NDE1: variants seen among roughly 807,000 people sequenced by gnomAD.
NDE1 encodes nuclear distribution protein nudE homolog 1.
NDE1 carries 28 observed loss-of-function variants against 43.4 expected under a neutral mutation model. The observed-to-expected ratio is 0.65, with a 90% confidence interval of 0.48 to 0.89. The LOEUF is 0.89. NDE1 is among the 40% of genes least tolerant of loss of function. The pLI, the probability that NDE1 is intolerant of heterozygous loss-of-function variation, is 0.00. For missense variants in NDE1, 441 were observed against 434.1 expected (o/e 1.02, Z -0.14); for synonymous variants, 184 against 172.0 (o/e 1.07, Z -0.55).
At chr16:15,705,524 A>G (rs571636132) in intron 8 of NDE1, among the ~76,000 whole-genome samples, 1 of 152,298 alleles carries the variant, frequency 6.6e-6, no homozygotes, top group Admixed American at 6.5e-5. Flanking sequence ...AACCGCAACA[A>G]ATAATTATGT....
At chr16:15,718,304 G>A (rs935891533) in intron 8 of NDE1, 1 of 1,608,214 alleles carries the variant, frequency 6.2e-7, no homozygotes. Context: ...TGGTGTCCAG[G>A]CGGCCCTCAC....
chr16:15,699,524 C>T, intron 8 of NDE1: 2 of 1,182,150 alleles, frequency 1.7e-6, no homozygotes, highest in Non-Finnish European at 2.1e-6. Context: ...TCTAGTGGGT[C>T]TGAGACTGGG....
chr16:15,656,183 C>T (rs1013626429), intron 1 of NDE1, among the ~76,000 whole-genome samples: 23 of 151,852 alleles, frequency 1.5e-4, no homozygotes, highest in African/African-American at 5.3e-4. Flanking sequence ...AAGTGAAGTG[C>T]AGCTGTTACT....
At chr16:15,671,019 G>A (rs1162441987) in intron 3 of NDE1, among the ~76,000 whole-genome samples, 1 of 152,162 alleles carries the variant, frequency 6.6e-6, no homozygotes, top group Non-Finnish European at 1.5e-5. Context: ...GGTGTTGTTT[G>A]ATCGCCTTCA....
intron 1 of NDE1, among the ~76,000 whole-genome samples, chr16:15,657,222 C>G (rs114326493): frequency 2.0e-5 from 3 of 151,868 alleles, no homozygotes; most frequent in Non-Finnish European, 2.9e-5. Context: ...CTCAGTCTTC[C>G]GAGTAGCTGG....
At chr16:15,700,695 C>T (rs1304564802) in intron 8 of NDE1, among the ~76,000 whole-genome samples, 1 of 151,956 alleles carries the variant, frequency 6.6e-6, no homozygotes, top group Non-Finnish European at 1.5e-5. Context: ...AAGTGATCCT[C>T]CCGCCTCAGC....
chr16:15,657,847 C>T (rs942858637), intron 1 of NDE1, among the ~76,000 whole-genome samples: 1 of 152,146 alleles, frequency 6.6e-6, no homozygotes, highest in East Asian at 1.9e-4. Context: ...AGTGATCTGT[C>T]TGCCTCGGCC....
chr16:15,656,971 C>G (rs1476704034), intron 1 of NDE1, among the ~76,000 whole-genome samples: 49 of 152,178 alleles, frequency 3.2e-4, no homozygotes, highest in Admixed American at 3.2e-3. Flanking sequence ...ACATCTTTTT[C>G]CAAACCTCAG....
At chr16:15,705,393 A>AG (rs2039392537) in intron 8 of NDE1, among the ~76,000 whole-genome samples, 1 of 152,188 alleles carries the variant, frequency 6.6e-6, no homozygotes, top group South Asian at 2.1e-4. Flanking sequence ...CTTCACAGGA[A>AG]GGGCTGGTCA....
At position 15,725,616 on chromosome 16, in the gene NDE1, T is replaced by C. The variant is rs922120010; in HGVS notation, c.*1365T>C. 5.0e-6 allele frequency: 2 copies of C among 403,954 alleles called. No homozygotes were observed. The highest frequency in any genetic ancestry group is 8.7e-6 in the Non-Finnish European group (2 of 229,094). The allele number at this position is 403,954 out of a possible 1,614,324, so 25.0% of individuals were successfully genotyped here. A position where few individuals can be genotyped will look rare whatever the true frequency, so the allele number is the denominator to read the frequency against. On this transcript the variant is annotated 3_prime_UTR_variant, in exon 9 of 9. Transcript: ENST00000396354. ...CCATTGACAAGGAGGATATGAATGA[T>C]CTTGACACTGCTTATATGAGGGCGG...
chr16:15,700,020 C>A (rs2039172414), intron 8 of NDE1: 3 of 1,186,340 alleles, frequency 2.5e-6, no homozygotes, highest in Non-Finnish European at 3.2e-6. Flanking sequence ...GTCTTTTCAT[C>A]CTTACCTGCC....
chr16:15,693,372 G>A (rs2038847918), intron 6 of NDE1, among the ~76,000 whole-genome samples: 2 of 152,066 alleles, frequency 1.3e-5, no homozygotes, highest in African/African-American at 2.4e-5. Flanking sequence ...GAGAAGAGAG[G>A]CTCTGCAGAG....
chr16:15,682,547 G>A (rs917445057), intron 4 of NDE1, among the ~76,000 whole-genome samples: 3 of 152,116 alleles, frequency 2.0e-5, no homozygotes, highest in Non-Finnish European at 2.9e-5. Flanking sequence ...CTGAGGACAG[G>A]CACTTTGTAT....
At chr16:15,649,507 T>C (rs2036401605), upstream of NDE1, 1 of 152,222 alleles carries the variant, frequency 6.6e-6, no homozygotes, top group African/African-American at 2.4e-5. Context: ...TTTGTATCTT[T>C]AGTAGAGACG....
chr16:15,725,433 A>G lies in NDE1; in HGVS notation c.*1182A>G. The G allele has an allele frequency of 2.1e-6, 1 of 476,068 alleles. No homozygotes were observed. Among genetic ancestry groups the G allele is most frequent in the Non-Finnish European group, 3.7e-6 (1 of 273,594 alleles). The allele number at this position is 476,068 out of a possible 1,614,324, so 29.5% of individuals were successfully genotyped here. A position where few individuals can be genotyped will look rare whatever the true frequency, so the allele number is the denominator to read the frequency against. On this transcript the variant is annotated 3_prime_UTR_variant, in exon 9 of 9. Coordinates refer to ENST00000396354, the MANE Select transcript of NDE1 (RefSeq NM_017668.3). ...TTGAACGTCCCAGGGATGCTGTCCC[A>G]TCCCTTCCTTCCTCACTCCTACTCT...
intron 4 of NDE1, among the ~76,000 whole-genome samples, chr16:15,683,690 C>T (rs1410641499): frequency 6.6e-6 from 1 of 152,114 alleles, no homozygotes; most frequent in Admixed American, 6.6e-5. Flanking sequence ...AAGCAATTTT[C>T]ACTCCAGTTA....
rs1049387319 is a variant in NDE1 at position 15,725,414 on chromosome 16, G to A, written c.*1163G>A. Reference sequence around the variant, plus strand: ...AGGGAGACCAGGATGGTACTTGAACGTCCCAGGGATGCTGTCCCATCCCTT... The same window carrying A: ...AGGGAGACCAGGATGGTACTTGAACATCCCAGGGATGCTGTCCCATCCCTT... On this transcript the variant is annotated 3_prime_UTR_variant, in exon 9 of 9. Transcript: ENST00000396354. 6.0e-5 allele frequency: 30 copies of A among 501,376 alleles called. No homozygotes were observed. Among genetic ancestry groups the A allele is most frequent in the South Asian group, 1.5e-4 (4 of 26,014 alleles). 31.1% of individuals were successfully genotyped at this position (501,376 alleles called of 1,614,324 possible).
At chr16:15,683,535 A>G (rs1478990965) in intron 4 of NDE1, 2 of 151,896 alleles carry the variant, frequency 1.3e-5, no homozygotes, top group Non-Finnish European at 2.9e-5. Flanking sequence ...TTTAGTAGAG[A>G]TGGGGTTTCG....
intron 1 of NDE1, among the ~76,000 whole-genome samples, chr16:15,657,564 CTTGTTAATGACTGCT>C (rs2036832941): frequency 6.6e-6 from 1 of 152,092 alleles, no homozygotes; most frequent in African/African-American, 2.4e-5. Context: ...TGCTCCTGGC[CTTGTTAATGACTGCT>C]ATTAACACTC....
Sources: allele counts gnomAD v4.1 joint callset (sites outside exome capture counted in the v4.1 genomes callset), GRCh38; gene constraint gnomAD v4.1.1; transcripts MANE v1.5; gene names NCBI Gene and HGNC (gene_info 2026-07-23, HGNC 2026-07-21).